Variants in PTPRF observed in about 807,000 individuals in gnomAD.
PTPRF encodes the protein protein tyrosine phosphatase receptor type F, also known as receptor-type tyrosine-protein phosphatase F.
A neutral mutation model predicts 201.8 loss-of-function variants in PTPRF; 59 were observed. The observed-to-expected ratio is 0.29, with a 90% CI of 0.24 to 0.36. PTPRF has a LOEUF of 0.36. Ranked by LOEUF, PTPRF falls within the 10% of genes least tolerant of loss-of-function variation. PTPRF has a pLI of 1.00. For missense variants in PTPRF, 2,132 were observed against 2,690.5 expected, an observed-to-expected ratio of 0.79 and a Z score of 4.59; for synonymous variants, 1,088 against 1,089.7, an observed-to-expected ratio of 1.00 and a Z score of 0.03.
At chr1:43,531,589 T>A (rs1372401714) in intron 1 of PTPRF, among the ~76,000 whole-genome samples, 1 of 147,402 alleles carries the variant, frequency 6.8e-6, no homozygotes, top group Non-Finnish European at 1.5e-5. Context: ...CGGCGGGGGA[T>A]CCGCAGCCGG....
In PTPRF at chr1:43,588,568, G is replaced by T. The variant is rs1649778413; in HGVS notation, c.680-163G>T. ...CACTTCTAGGCTGGAAGTGGGTGGG[G>T]TGGGAGTGGATGATGAGCTGGGGTC... On this transcript the variant is annotated intron_variant, in intron 7 of 33. Transcript: ENST00000359947. The surrounding 1 kb of genome is among the most constrained non-coding windows in gnomAD (Gnocchi z 5.3). Among the ~76,000 whole-genome samples, 1 of 152,168 alleles carries T rather than the reference G, an allele frequency of 6.6e-6. No individual in the cohort carries two copies.
chr1:43,618,743 C>A lies in PTPRF; in HGVS notation c.4485C>A (p.Leu1495=). ...CATACACTGTGCGCACCTTCGCACT[C>A]CACAAGGTATAGCCTTTCCCCAGTG... ...LATYTVRTFA[L]HKSGSSEKRE... The change falls in exon 26 of 34, where the codon CTC becomes CTA. Residue 1495 remains leucine (L), a synonymous_variant. Coordinates refer to ENST00000359947, the MANE Select transcript of PTPRF (RefSeq NM_002840.5). The A allele has an allele frequency of 7.5e-6, 12 of 1,601,472 alleles. No individual in the cohort carries two copies. The highest frequency in any genetic ancestry group is 1.0e-5 in the Non-Finnish European group (12 of 1,169,646).
chr1:43,571,361 C>T (rs1646556414), intron 6 of PTPRF, among the ~76,000 whole-genome samples: 1 of 152,214 alleles, frequency 6.6e-6, no homozygotes, highest in Admixed American at 6.5e-5. Flanking sequence ...AGCTCACCCC[C>T]TCCTAAAGCT....
intron 22 of PTPRF, chr1:43,613,216 G>C (rs1383986893): frequency 3.1e-6 from 1 of 318,488 alleles, no homozygotes; most frequent in African/African-American, 2.2e-5. Context: ...AGTCTCCCAT[G>C]GTGACTGCCA....
intron 3 of PTPRF, among the ~76,000 whole-genome samples, chr1:43,550,630 G>A (rs557336023): frequency 6.6e-6 from 1 of 152,364 alleles, no homozygotes; most frequent in South Asian, 2.1e-4. Flanking sequence ...TATGTTCTAG[G>A]AGGGGAAGCA....
intron 7 of PTPRF, chr1:43,583,081 G>C (rs774532994): frequency 1.0e-6 from 1 of 985,714 alleles, no homozygotes. Flanking sequence ...TCATCTCTCA[G>C]ATCAGCGAGA....
At chr1:43,569,533 G>A (rs1646425968) in intron 5 of PTPRF, 57 bp from the exon 6 acceptor site, 2 of 1,511,148 alleles carry the variant, frequency 1.3e-6, no homozygotes, top group South Asian at 1.3e-5. Flanking sequence ...ACCCCCAGAG[G>A]GGTCATAGGG....
chr1:43,619,895 G>T, intron 29 of PTPRF, 37 bp downstream of exon 29: 1 of 1,607,100 alleles, frequency 6.2e-7, no homozygotes, highest in Admixed American at 1.7e-5. Context: ...ATGCCCTACA[G>T]GGGCCTAGGC....
Position 43,598,017 on chromosome 1 carries a change from G to T in PTPRF, c.2083G>T (p.Glu695Ter). 1 of 1,518,120 alleles carries T rather than the reference G, an allele frequency of 6.6e-7. No individual in the cohort carries two copies. The highest frequency in any genetic ancestry group is 1.3e-5 in the South Asian group (1 of 79,258). 94.0% of individuals were successfully genotyped at this position (1,518,120 alleles called of 1,614,324 possible). A position where few individuals can be genotyped will look rare whatever the true frequency, so the allele number is the denominator to read the frequency against. The change falls in exon 12 of 34, where the codon GAG (glutamate) becomes TAG (stop). Residue 695 changes from glutamate to a stop codon, truncating the protein, a stop_gained. Coordinates refer to ENST00000359947, the MANE Select transcript of PTPRF (RefSeq NM_002840.5). LOFTEE classifies it high-confidence loss of function. ...ACACACAGACGTGGGCCCCGGCCCC[G>T]AGAGCAGCCCGGTGCTGGTGCGCAC... ...RAHTDVGPGP[E>*]SSPVLVRTDE...
intron 5 of PTPRF, among the ~76,000 whole-genome samples, chr1:43,562,677 G>T (rs1469440790): frequency 6.6e-6 from 1 of 152,046 alleles, no homozygotes; most frequent in African/African-American, 2.4e-5. Context: ...CTCCCAGAGT[G>T]CTGGGATTAC....
At chr1:43,531,551 C>T (rs1570842556) in intron 1 of PTPRF, among the ~76,000 whole-genome samples, 1 of 148,946 alleles carries the variant, frequency 6.7e-6, no homozygotes, top group South Asian at 2.1e-4. Flanking sequence ...GCGCCCCCGC[C>T]CCCGCCGCAC....
At chr1:43,606,150 G>A (rs1402562489) in intron 19 of PTPRF, 90 bp from the exon 20 acceptor site, 14 of 1,408,332 alleles carry the variant, frequency 9.9e-6, no homozygotes, top group East Asian at 4.7e-5. Flanking sequence ...CCTTGATCTC[G>A]GCCCAGGGAG....
At chr1:43,606,670 A>C (rs1344523119) in intron 20 of PTPRF, 144 bp from the exon 21 acceptor site, 57 of 1,253,236 alleles carry the variant, frequency 4.5e-5, no homozygotes, top group Non-Finnish European at 1.1e-6. Flanking sequence ...CCAGGGACCC[A>C]GTCCTGCCAG....
rs747292574 is a variant in PTPRF at position 43,603,850 on chromosome 1, T to C, written c.2698T>C (p.Leu900=). The change falls in exon 16 of 34, where the codon TTG becomes CTG. Residue 900 remains leucine, a synonymous_variant. Transcript: ENST00000359947. The surrounding 1 kb of genome is among the most constrained non-coding windows in gnomAD (Gnocchi z 5.8). ...GCTTGCTGCCAAGAACCGGGCTGGCTTGGGTGAGGAGTTCGAGAAGGAGAT... is the reference window on the plus strand; with the variant it reads ...GCTTGCTGCCAAGAACCGGGCTGGCCTGGGTGAGGAGTTCGAGAAGGAGAT... ...FRLAAKNRAG[L]GEEFEKEIRT... The C allele has an allele frequency of 4.3e-6, 7 of 1,613,842 alleles. No individual in the cohort carries two copies. Among genetic ancestry groups the C allele is most frequent in the Non-Finnish European group, 5.9e-6 (7 of 1,179,968 alleles).
upstream of PTPRF, among the ~76,000 whole-genome samples, chr1:43,522,144 G>A (rs1642973314): frequency 6.6e-6 from 1 of 152,156 alleles, no homozygotes; most frequent in South Asian, 2.1e-4. Flanking sequence ...TGCTTTGCCA[G>A]TTTCCCCCAG....
At chr1:43,595,749 G>A (rs914059961) in intron 11 of PTPRF, among the ~76,000 whole-genome samples, 2 of 152,122 alleles carry the variant, frequency 1.3e-5, no homozygotes, top group African/African-American at 4.8e-5. Flanking sequence ...AAGTACGGTG[G>A]GGGGGTTGTA....
intron 25 of PTPRF, 94 bp from the exon 26 acceptor site, chr1:43,618,536 A>G: frequency 1.4e-6 from 2 of 1,445,188 alleles, no homozygotes; most frequent in African/African-American, 1.4e-5. Flanking sequence ...GTAGCCAGAA[A>G]GGCTACAGCC....
At chr1:43,598,107 A>C in intron 12 of PTPRF, 54 bp downstream of exon 12, 2 of 1,425,522 alleles carry the variant, frequency 1.4e-6, no homozygotes, top group Non-Finnish European at 1.8e-6. Context: ...GACACCACCC[A>C]CCAAGCTCCC....
chr1:43,532,835 C>T (rs1320426236), intron 1 of PTPRF, among the ~76,000 whole-genome samples: 3 of 152,124 alleles, frequency 2.0e-5, no homozygotes, highest in Non-Finnish European at 4.4e-5. Flanking sequence ...CACACTTTCT[C>T]GTACCCTCTT....
Sources: allele counts gnomAD v4.1 joint callset (sites outside exome capture counted in the v4.1 genomes callset), GRCh38; gene constraint gnomAD v4.1.1; non-coding constraint Gnocchi (gnomAD v3.1); transcripts MANE v1.5; gene names NCBI Gene and HGNC (gene_info 2026-07-23, HGNC 2026-07-21).